Variants in GRB10 observed in about 807,000 individuals in gnomAD.
GRB10 encodes growth factor receptor-bound protein 10.
GRB10 carries 20 observed loss-of-function variants against 80.9 expected under a neutral mutation model. The observed-to-expected ratio is 0.25, with a 90% confidence interval of 0.17 to 0.36. The LOEUF is 0.36. Among genes scored for constraint, GRB10 ranks in the 10% least tolerant of loss-of-function variants. The pLI is 1.00. For synonymous variants in GRB10, 291 were observed against 291.5 expected (o/e 1.00, Z 0.02); for missense variants, 548 against 747.7 (o/e 0.73, Z 3.12).
intron 4 of GRB10, among the ~76,000 whole-genome samples, chr7:50,728,443 C>T (rs1434166408): frequency 1.3e-5 from 2 of 152,096 alleles, no homozygotes; most frequent in East Asian, 3.8e-4. Flanking sequence ...ATGTGATCAG[C>T]AGATGAAGTC....
In GRB10 at chr7:50,605,378, G is replaced by C; in HGVS notation, c.1301C>G (p.Ala434Gly). The C allele has an allele frequency of 6.2e-7, 1 of 1,614,198 alleles. No individual in the cohort carries two copies. Among genetic ancestry groups the C allele is most frequent in the Non-Finnish European group, 8.5e-7 (1 of 1,180,004 alleles). ...TCCTGTTTGCCCAGAAAAATCCATTGCCACGAGGGAGTTCTCGGAGACACT... is the reference window on the plus strand; with the variant it reads ...TCCTGTTTGCCCAGAAAAATCCATTCCCACGAGGGAGTTCTCGGAGACACT... ...VRSVSENSLV[A>G]MDFSGQTGRV... The change falls in exon 15 of 19, where the codon GCA becomes GGA. Residue 434 changes from alanine (A) to glycine (G), a missense_variant. Ala to Gly is a moderately conservative substitution (Grantham distance 60, BLOSUM62 0). This residue lies in a region of GRB10 where 270 missense variants were observed against 433.6 expected (regional missense o/e 0.62). Coordinates refer to ENST00000401949, the MANE Select transcript of GRB10 (RefSeq NM_001350814.2).
intron 15 of GRB10, chr7:50,604,864 A>G (rs1439081258): frequency 3.5e-6 from 1 of 288,102 alleles, no homozygotes; most frequent in Non-Finnish European, 6.6e-6. Flanking sequence ...TCCCACCTGG[A>G]GATTAAGAAC....
chr7:50,703,687 CCT>C, intron 5 of GRB10, 132 bp downstream of exon 5: 7 of 682,028 alleles, frequency 1.0e-5, no homozygotes, highest in South Asian at 1.0e-4. Flanking sequence ...AATTCACTGT[CCT>C]TAATGAGAAA....
chr7:50,728,828 G>A (rs1002731677), intron 4 of GRB10, among the ~76,000 whole-genome samples: 12 of 151,980 alleles, frequency 7.9e-5, no homozygotes, highest in Admixed American at 2.6e-4. Flanking sequence ...GCGCCACCAC[G>A]CCTGACTAAT....
intron 9 of GRB10, among the ~76,000 whole-genome samples, 187 bp downstream of exon 9, chr7:50,618,983 C>T (rs2051154704): frequency 6.6e-6 from 1 of 152,210 alleles, no homozygotes; most frequent in Non-Finnish European, 1.5e-5. Flanking sequence ...CAGTCCCACG[C>T]ACATTTAGTG....
chr7:50,591,389 T>G lies in GRB10; in HGVS notation c.*1563A>C, dbSNP rs1030837103. The G allele has an allele frequency of 6.6e-6, 1 of 152,276 alleles. No individual in the cohort carries two copies. The highest frequency in any genetic ancestry group is 1.5e-5 in the Non-Finnish European group (1 of 68,094). 9.4% of individuals were successfully genotyped at this position (152,276 alleles called of 1,614,324 possible). A position where few individuals can be genotyped will look rare whatever the true frequency, so the allele number is the denominator to read the frequency against. ...AGAAATGCTGTTCCTTAGGGAACAC[T>G]TCAGTGGGGCGGATTTGGGGCAATA... On this transcript the variant is annotated 3_prime_UTR_variant, in exon 19 of 19. Transcript: ENST00000401949.
At chr7:50,703,485 T>C (rs539233469) in intron 5 of GRB10, among the ~76,000 whole-genome samples, 18 of 152,314 alleles carry the variant, frequency 1.2e-4, no homozygotes, top group East Asian at 5.8e-4. Context: ...ACCGTCTTAA[T>C]TGGAAACATA....
At chr7:50,692,974 G>A (rs1354461297) in intron 5 of GRB10, among the ~76,000 whole-genome samples, 1 of 152,162 alleles carries the variant, frequency 6.6e-6, no homozygotes, top group African/African-American at 2.4e-5. Context: ...TAGCTCTGAT[G>A]AGGAAGATAA....
At chr7:50,664,524 G>T (rs996085526) in intron 7 of GRB10, among the ~76,000 whole-genome samples, 51 of 152,314 alleles carry the variant, frequency 3.3e-4, no homozygotes, top group East Asian at 3.9e-4. Context: ...CTGGCACCTG[G>T]CCCAAGTCCC....
At position 50,703,811 on chromosome 7, in the gene GRB10, C is replaced by A; in HGVS notation, c.139+10G>T. 6.2e-7 allele frequency: 1 copy of A among 1,607,236 alleles called. No homozygotes were observed. The highest frequency in any genetic ancestry group is 8.5e-7 in the Non-Finnish European group (1 of 1,174,296). Reference sequence around the variant, plus strand: ...ACTGGGAGTGTTCTTGTGTTTTGCTCATTCCTTACCCTGGTGATTCGCAAG... The same window carrying A: ...ACTGGGAGTGTTCTTGTGTTTTGCTAATTCCTTACCCTGGTGATTCGCAAG... On this transcript the variant is annotated intron_variant, in intron 5 of 18. Coordinates refer to ENST00000401949, the MANE Select transcript of GRB10 (RefSeq NM_001350814.2).
intron 12 of GRB10, among the ~76,000 whole-genome samples, chr7:50,613,484 A>G (rs34432772): frequency 0.015 from 2,279 of 152,268 alleles, 35 homozygotes; most frequent in Middle Eastern, 0.027. Flanking sequence ...AGGGAGGAGA[A>G]TTGTTGCAGG....
At chr7:50,698,393 T>C (rs2063720644) in intron 5 of GRB10, among the ~76,000 whole-genome samples, 1 of 152,240 alleles carries the variant, frequency 6.6e-6, no homozygotes, top group South Asian at 2.1e-4. Flanking sequence ...TTTCTTAGCC[T>C]AAGAGAATAA....
At chr7:50,718,629 G>A (rs1449001708) in intron 4 of GRB10, among the ~76,000 whole-genome samples, 1 of 152,100 alleles carries the variant, frequency 6.6e-6, no homozygotes, top group Non-Finnish European at 1.5e-5. Flanking sequence ...AGTTTTTGAG[G>A]ACCACAGATC....
intron 7 of GRB10, among the ~76,000 whole-genome samples, chr7:50,661,123 G>C (rs1157892379): frequency 6.6e-6 from 1 of 152,374 alleles, no homozygotes; most frequent in African/African-American, 2.4e-5. Context: ...TTGCAGGAGA[G>C]AGCATTCTCT....
chr7:50,635,567 A>AAAAAAACC (rs1265092347), intron 7 of GRB10, among the ~76,000 whole-genome samples: 1 of 151,898 alleles, frequency 6.6e-6, no homozygotes, highest in Non-Finnish European at 1.5e-5. Context: ...AAAACAAAAC[A>AAAAAAACC]AAAAAACCCA....
At chr7:50,725,019 C>T (rs1001135214) in intron 4 of GRB10, among the ~76,000 whole-genome samples, 5 of 152,180 alleles carry the variant, frequency 3.3e-5, no homozygotes, top group Admixed American at 1.3e-4. Flanking sequence ...AAAACACTCC[C>T]GGCAAGGTAG....
At chr7:50,596,834 T>A (rs73129082) in intron 17 of GRB10, among the ~76,000 whole-genome samples, 12,576 of 151,594 alleles carry the variant, frequency 0.083, 785 homozygotes, top group South Asian at 0.14. Flanking sequence ...AACCTTAAAA[T>A]TTTTTTTTAA....
At chr7:50,718,595 C>A (rs538119903) in intron 4 of GRB10, among the ~76,000 whole-genome samples, 8 of 152,128 alleles carry the variant, frequency 5.3e-5, no homozygotes, top group Non-Finnish European at 1.2e-4. Context: ...GGGTCTTAAA[C>A]CCGCACTCTA....
chr7:50,744,543 T>C (rs2072510637), intron 3 of GRB10, among the ~76,000 whole-genome samples: 2 of 152,242 alleles, frequency 1.3e-5, no homozygotes, highest in Non-Finnish European at 2.9e-5. Context: ...AACGCACATG[T>C]TGTATGTCAT....
Sources: gnomAD v4.1 joint callset for allele counts (sites outside exome capture counted in the v4.1 genomes callset) on GRCh38, gnomAD v4.1.1 for gene constraint, gnomAD v4.1.1 regional missense constraint, MANE v1.5 for transcripts, NCBI Gene and HGNC (gene_info 2026-07-23, HGNC 2026-07-21) for gene names.